Variants in ARFGAP1 observed in about 807,000 individuals in gnomAD.
ARFGAP1 encodes the protein ADP-ribosylation factor GTPase-activating protein 1.
ARFGAP1 carries 26 observed loss-of-function variants against 54.0 expected under a neutral mutation model. That is an observed-to-expected ratio of 0.48 (90% CI 0.35 to 0.67). The LOEUF (loss-of-function observed/expected upper bound fraction) is 0.67. Ranked by LOEUF, ARFGAP1 falls within the 30% of genes least tolerant of loss-of-function variation. The probability of loss-of-function intolerance (pLI) is 0.00; values close to 1 mark genes in which losing one functional copy is unlikely to be tolerated. For synonymous variants in ARFGAP1, 248 were observed against 211.9 expected (o/e 1.17, Z -1.48); for missense variants, 525 against 535.8 (o/e 0.98, Z 0.20).
rs568146747 is a variant in ARFGAP1 at position 63,288,990 on chromosome 20, C to T, written c.*1117C>T. The T allele has an allele frequency of 1.2e-4, 23 of 196,486 alleles. No homozygotes were observed. Among genetic ancestry groups the T allele is most frequent in the Middle Eastern group, 2.2e-3 (1 of 454 alleles). The allele number at this position is 196,486 out of a possible 1,614,324, so 12.2% of individuals were successfully genotyped here. A position where few individuals can be genotyped will look rare whatever the true frequency, so the allele number is the denominator to read the frequency against. The stretch of plus-strand genomic sequence containing the variant: ...CTTCCCGGTCGCCGTCTGCAGCACT[C>T]CTGGAGCAGCCTGGGCCCTTCAGCC... On this transcript the variant is annotated 3_prime_UTR_variant, in exon 13 of 13. Transcript: ENST00000370283.
chr20:63,275,945 T>C (rs577495822), intron 2 of ARFGAP1, 146 bp from the exon 3 acceptor site: 2 of 711,550 alleles, frequency 2.8e-6, no homozygotes, highest in South Asian at 3.3e-5. Context: ...ACGGAGGCTC[T>C]TTCCCCTCAC....
chr20:63,278,280 C>T, intron 6 of ARFGAP1, 77 bp downstream of exon 6: 2 of 1,479,974 alleles, frequency 1.4e-6, no homozygotes, highest in Non-Finnish European at 9.3e-7. Flanking sequence ...GGCTGCTTCC[C>T]TTGGGGCCTC....
At chr20:63,278,290 C>CCA in intron 6 of ARFGAP1, 87 bp downstream of exon 6, 1 of 1,405,148 alleles carries the variant, frequency 7.1e-7, no homozygotes, top group Non-Finnish European at 9.9e-7. Flanking sequence ...CTTGGGGCCT[C>CCA]CCATGTGCAG....
intron 2 of ARFGAP1, among the ~76,000 whole-genome samples, chr20:63,275,862 C>T (rs1014148429): frequency 6.6e-6 from 1 of 152,174 alleles, no homozygotes; most frequent in South Asian, 2.1e-4. Context: ...GGGGTGGGGG[C>T]GCCTCCACAT....
At chr20:63,274,905 G>T (rs895481464) in intron 1 of ARFGAP1, among the ~76,000 whole-genome samples, 3 of 152,202 alleles carry the variant, frequency 2.0e-5, no homozygotes, top group Admixed American at 6.5e-5. Context: ...TGCTGTCCCA[G>T]TAGGGTCCCC....
In ARFGAP1 at chr20:63,284,928, G is replaced by A. The variant is rs759211690; in HGVS notation, c.774+6G>A. ...TCAAGCCTGCGCAGGAGAAGGTAACGGGCAGCTCCGGGTGGTTGTGCCTGG... is the reference window on the plus strand; with the variant it reads ...TCAAGCCTGCGCAGGAGAAGGTAACAGGCAGCTCCGGGTGGTTGTGCCTGG... On this transcript the variant is annotated splice_donor_region_variant and intron_variant, in intron 10 of 12. Transcript: ENST00000370283. 24 of 1,613,046 alleles carry A rather than the reference G, an allele frequency of 1.5e-5. No individual in the cohort carries two copies. Among genetic ancestry groups the A allele is most frequent in the Non-Finnish European group, 1.9e-5 (22 of 1,179,830 alleles).
intron 9 of ARFGAP1, chr20:63,283,972 T>TG: frequency 6.3e-7 from 1 of 1,577,820 alleles, no homozygotes; most frequent in South Asian, 1.1e-5. Flanking sequence ...GCCACTGTCT[T>TG]GTGTCACCTC....
In ARFGAP1 at chr20:63,276,271, G is replaced by T. The variant is rs745694560; in HGVS notation, c.170+71G>T. 5.8e-6 allele frequency: 9 copies of T among 1,552,748 alleles called. No individual in the cohort carries two copies. In the East Asian group the frequency reaches 1.8e-4, roughly 31 times the overall value. On this transcript the variant is annotated intron_variant, in intron 3 of 12. Transcript: ENST00000370283. The surrounding 1 kb of genome is among the most constrained non-coding windows in gnomAD (Gnocchi z 5.2). ...CCAGCATCTGTTCCTGACACCAGAGGTGCTGACGCCAGGGAAGCTTGGGGG... is the reference window on the plus strand; with the variant it reads ...CCAGCATCTGTTCCTGACACCAGAGTTGCTGACGCCAGGGAAGCTTGGGGG...
Position 63,289,243 on chromosome 20 carries a change from TGAG to T in ARFGAP1, c.*1371_*1373del, listed in dbSNP as rs1409189074. 6.6e-6 allele frequency: 1 copy of T among 152,264 alleles called. No individual in the cohort carries two copies. The highest frequency in any genetic ancestry group is 1.5e-5 in the Non-Finnish European group (1 of 68,134). The allele number at this position is 152,264 out of a possible 1,614,324, so 9.4% of individuals were successfully genotyped here. On this transcript the variant is annotated 3_prime_UTR_variant, in exon 13 of 13. Coordinates refer to ENST00000370283, the MANE Select transcript of ARFGAP1 (RefSeq NM_018209.4). The stretch of plus-strand genomic sequence containing the variant: ...GCGGGGCATCAGAGGCTCAAGGTGC[TGAG>T]AAGCCACCGGGAAAGCAGCCAGCAC...
rs1202575315 is a variant in ARFGAP1 at position 63,278,213 on chromosome 20, T to G, written c.530+10T>G. On this transcript the variant is annotated intron_variant, in intron 6 of 12. Transcript: ENST00000370283. ...TCGGCTCCTATCAAGGGTAAGGACT[T>G]GAGAGCTGGGGACGCCTGGCGTGGG... 1.2e-6 allele frequency: 2 copies of G among 1,612,180 alleles called. No homozygotes were observed. Among genetic ancestry groups the G allele is most frequent in the East Asian group, 4.5e-5 (2 of 44,846 alleles).
In ARFGAP1 at chr20:63,288,044, G is replaced by T; in HGVS notation, c.*171G>T. Reference sequence around the variant, plus strand: ...CCGGGTGTGCGCCGCCTGCGCGTGGGGAGTCTTCGGTGCGTGGGGGCGGCT... The same window carrying T: ...CCGGGTGTGCGCCGCCTGCGCGTGGTGAGTCTTCGGTGCGTGGGGGCGGCT... On this transcript the variant is annotated 3_prime_UTR_variant, in exon 13 of 13. Transcript: ENST00000370283. The T allele has an allele frequency of 1.3e-6, 1 of 785,168 alleles. No individual in the cohort carries two copies. The allele number at this position is 785,168 out of a possible 1,614,324, so 48.6% of individuals were successfully genotyped here.
intron 10 of ARFGAP1, 111 bp downstream of exon 10, chr20:63,285,033 C>G: frequency 1.6e-6 from 2 of 1,252,204 alleles, no homozygotes; most frequent in South Asian, 2.6e-5. Context: ...TCAGCGAGGC[C>G]AAGCCTCACA....
rs948394950 is a variant in ARFGAP1 at position 63,288,554 on chromosome 20, C to G, written c.*681C>G. ...TAGCCACACCCACACCTGAGCTGTT[C>G]TCAGTGCTGGAACTTGACCATCCTG... On this transcript the variant is annotated 3_prime_UTR_variant, in exon 13 of 13. Transcript: ENST00000370283. The G allele has an allele frequency of 6.6e-6, 3 of 454,518 alleles. No individual in the cohort carries two copies. The highest frequency in any genetic ancestry group is 1.5e-5 in the South Asian group (1 of 64,522). The allele number at this position is 454,518 out of a possible 1,614,324, so 28.2% of individuals were successfully genotyped here.
intron 7 of ARFGAP1, 22 bp downstream of exon 7, chr20:63,279,017 G>A: frequency 6.2e-7 from 1 of 1,612,454 alleles, no homozygotes; most frequent in Non-Finnish European, 8.5e-7. Flanking sequence ...GCCCTGCAGA[G>A]CATCTCCCAT....
In ARFGAP1 at chr20:63,277,116, G is replaced by A. The variant is rs907471060; in HGVS notation, c.343-89G>A. On this transcript the variant is annotated intron_variant, in intron 4 of 12. Transcript: ENST00000370283. ...GCTGCGGGTGGTGGGTGCTCCAGGC[G>A]GGCCGTGGGGGGTGCGCTGGAGTCG... 18 of 1,132,730 alleles carry A rather than the reference G, an allele frequency of 1.6e-5. 1 individual carries two copies. In the South Asian group the frequency reaches 1.8e-4, roughly 11 times the overall value. The allele number at this position is 1,132,730 out of a possible 1,614,324, so 70.2% of individuals were successfully genotyped here. A position where few individuals can be genotyped will look rare whatever the true frequency, so the allele number is the denominator to read the frequency against.
rs886160942 is a variant in ARFGAP1 at position 63,276,720 on chromosome 20, G to A, written c.342+69G>A. The A allele has an allele frequency of 6.7e-6, 10 of 1,490,964 alleles. No individual in the cohort carries two copies. The Admixed American group carries it at 1.6e-4, about 24-fold the overall frequency. 92.4% of individuals were successfully genotyped at this position (1,490,964 alleles called of 1,614,324 possible). ...CCCTGCCGTTTGTGGCAGCTGGACT[G>A]TGGCCTTTAGTGGTTCTGGAGTCGG... On this transcript the variant is annotated intron_variant, in intron 4 of 12. Coordinates refer to ENST00000370283, the MANE Select transcript of ARFGAP1 (RefSeq NM_018209.4). The surrounding 1 kb of genome is among the most constrained non-coding windows in gnomAD (Gnocchi z 5.2).
chr20:63,278,453 A>G lies in ARFGAP1; in HGVS notation c.530+250A>G, dbSNP rs2067290551. 3 of 501,540 alleles carry G rather than the reference A, an allele frequency of 6.0e-6. No homozygotes were observed. The South Asian group carries it at 6.2e-5, about 10-fold the overall frequency. The allele number at this position is 501,540 out of a possible 1,614,324, so 31.1% of individuals were successfully genotyped here. On this transcript the variant is annotated intron_variant, in intron 6 of 12. Transcript: ENST00000370283. Reference sequence around the variant, plus strand: ...TCTTAGATGTATTGCAGTGACCCCCAGCTGCCCAGGTGTGAATTGGGGGTC... The same window carrying G: ...TCTTAGATGTATTGCAGTGACCCCCGGCTGCCCAGGTGTGAATTGGGGGTC...
At position 63,276,180 on chromosome 20, in the gene ARFGAP1, C is replaced by A. The variant is rs750334262; in HGVS notation, c.150C>A (p.Arg50=). Residue 50 remains arginine (R), a synonymous_variant, in exon 3 of 13, where the codon CGC becomes CGA. Transcript: ENST00000370283. This position sits in a 1 kb window ranked among gnomAD's most constrained non-coding sequence, Gnocchi z 5.2. ...GCCTGGAGTGCTCGGGGAGACACCG[C>A]GGGCTTGGGGTTCACCTCAGGTCAG... ...WICLECSGRH[R]GLGVHLSFVR... is the part of the protein sequence containing the mutation. 1 of 1,613,816 alleles carries A rather than the reference C, an allele frequency of 6.2e-7. No homozygotes were observed. The highest frequency in any genetic ancestry group is 1.3e-5 in the African/African-American group (1 of 75,060).
intron 11 of ARFGAP1, 54 bp downstream of exon 11, chr20:63,285,767 C>G (rs1328346043): frequency 6.3e-7 from 1 of 1,593,040 alleles, no homozygotes; most frequent in East Asian, 2.2e-5. Context: ...CCATATTCCA[C>G]GGCCCTGGGC....
Sources: gnomAD v4.1 joint callset for allele counts (sites outside exome capture counted in the v4.1 genomes callset) on GRCh38, gnomAD v4.1.1 for gene constraint, Gnocchi (gnomAD v3.1) non-coding constraint, MANE v1.5 for transcripts, NCBI Gene and HGNC (gene_info 2026-07-23, HGNC 2026-07-21) for gene names.